The following XRCC4 variants were observed in gnomAD, a reference collection of about 807,000 sequenced individuals.
The protein encoded by XRCC4 is DNA repair protein XRCC4.
XRCC4 carries 28 observed loss-of-function variants against 39.1 expected under a neutral mutation model. That is an observed-to-expected ratio of 0.72 (90% CI 0.53 to 0.98). The LOEUF (loss-of-function observed/expected upper bound fraction) is 0.98. XRCC4 is among the 50% of genes least tolerant of loss of function. The pLI, the probability that XRCC4 is intolerant of heterozygous loss-of-function variation, is 0.00. For synonymous variants in XRCC4, 123 were observed against 126.4 expected (o/e 0.97, Z 0.18); for missense variants, 350 against 376.4 (o/e 0.93, Z 0.58).
intron 7 of XRCC4, among the ~76,000 whole-genome samples, chr5:83,276,285 C>T (rs767363723): frequency 6.6e-6 from 1 of 152,038 alleles, no homozygotes; most frequent in Non-Finnish European, 1.5e-5. Flanking sequence ...ATAGGTTAGG[C>T]TAAGCTATGA....
chr5:83,314,398 T>A (rs1208067942), intron 7 of XRCC4, among the ~76,000 whole-genome samples: 2 of 152,140 alleles, frequency 1.3e-5, no homozygotes, highest in Non-Finnish European at 2.9e-5. Flanking sequence ...ATTCTCTACA[T>A]CCATAATGGA....
intron 3 of XRCC4, among the ~76,000 whole-genome samples, chr5:83,184,528 A>G (rs1750350096): frequency 2.0e-5 from 3 of 152,106 alleles, no homozygotes; most frequent in African/African-American, 7.2e-5. Context: ...TTTTTGGAGA[A>G]TGTTATGAGA....
At chr5:83,314,906 A>G (rs1755827219) in intron 7 of XRCC4, among the ~76,000 whole-genome samples, 1 of 152,146 alleles carries the variant, frequency 6.6e-6, no homozygotes, top group East Asian at 1.9e-4. Flanking sequence ...TACCCCTACA[A>G]TGGCCTCTAA....
intron 6 of XRCC4, among the ~76,000 whole-genome samples, chr5:83,232,413 A>G (rs527462955): frequency 9.9e-5 from 15 of 152,122 alleles, no homozygotes; most frequent in South Asian, 8.3e-4. Context: ...AATTGCCCTA[A>G]TACTTCCATA....
chr5:83,118,629 C>T (rs1746853927), intron 3 of XRCC4, among the ~76,000 whole-genome samples: 1 of 152,174 alleles, frequency 6.6e-6, no homozygotes, highest in Admixed American at 6.5e-5. Context: ...TTGATACATT[C>T]CTTTTGCTCA....
intron 6 of XRCC4, among the ~76,000 whole-genome samples, chr5:83,251,335 C>G (rs1753301804): frequency 1.3e-5 from 2 of 151,966 alleles, no homozygotes; most frequent in African/African-American, 4.8e-5. Context: ...ACCATCCTGG[C>G]TAACATGGTG....
intron 7 of XRCC4, among the ~76,000 whole-genome samples, chr5:83,274,848 T>G (rs1012805889): frequency 2.0e-5 from 3 of 152,204 alleles, no homozygotes; most frequent in Admixed American, 2.0e-4. Context: ...GTCTTTAAAT[T>G]TTATTCAAAG....
At chr5:83,112,954 T>G (rs1398616874) in intron 3 of XRCC4, among the ~76,000 whole-genome samples, 2 of 152,028 alleles carry the variant, frequency 1.3e-5, no homozygotes, top group East Asian at 1.9e-4. Context: ...CTCCCAAATC[T>G]CATGTCCTCA....
chr5:83,169,845 G>A (rs527413622), intron 3 of XRCC4, among the ~76,000 whole-genome samples: 10 of 152,308 alleles, frequency 6.6e-5, no homozygotes, highest in East Asian at 3.9e-4. Context: ...GACAGTAAGT[G>A]TGACGGTAAA....
At chr5:83,138,274 G>GT (rs1747996208) in intron 3 of XRCC4, among the ~76,000 whole-genome samples, 1 of 152,130 alleles carries the variant, frequency 6.6e-6, no homozygotes, top group Non-Finnish European at 1.5e-5. Flanking sequence ...CATACTGCTT[G>GT]AAGTGCACTA....
At chr5:83,178,854 G>A (rs1340903536) in intron 3 of XRCC4, among the ~76,000 whole-genome samples, 1 of 152,012 alleles carries the variant, frequency 6.6e-6, no homozygotes, top group Non-Finnish European at 1.5e-5. Flanking sequence ...CTTCTCAATC[G>A]CTATTTCTCA....
At chr5:83,311,070 C>G in intron 7 of XRCC4, 1 of 237,362 alleles carries the variant, frequency 4.2e-6, no homozygotes, top group South Asian at 4.6e-5. Context: ...ATTAAGCCAT[C>G]AAGTTTGTGG....
At chr5:83,109,504 T>G (rs919082850) in intron 2 of XRCC4, among the ~76,000 whole-genome samples, 2 of 151,852 alleles carry the variant, frequency 1.3e-5, no homozygotes, top group African/African-American at 4.8e-5. Flanking sequence ...ATATGAGACT[T>G]TTATCATTAC....
chr5:83,286,808 G>A (rs1754749635), intron 7 of XRCC4, among the ~76,000 whole-genome samples: 1 of 152,086 alleles, frequency 6.6e-6, no homozygotes, highest in East Asian at 1.9e-4. Flanking sequence ...GAGAAGGAAT[G>A]TTGAGAGAGG....
chr5:83,181,466 C>A (rs1376837971), intron 3 of XRCC4, among the ~76,000 whole-genome samples: 1 of 119,110 alleles, frequency 8.4e-6, no homozygotes, highest in Non-Finnish European at 1.9e-5. Flanking sequence ...GTATAAAATG[C>A]ATCAGTTCTT....
At chr5:83,238,339 C>T (rs1752770412) in intron 6 of XRCC4, among the ~76,000 whole-genome samples, 3 of 152,164 alleles carry the variant, frequency 2.0e-5, no homozygotes, top group Admixed American at 2.0e-4. Context: ...ATCTTGCCTC[C>T]TTAATGAATG....
chr5:83,118,994 T>A (rs1053119941), intron 3 of XRCC4, among the ~76,000 whole-genome samples: 2 of 152,226 alleles, frequency 1.3e-5, no homozygotes, highest in Non-Finnish European at 2.9e-5. Context: ...GTTTTATTTA[T>A]TTTTTAGTGG....
rs528412333 is a variant in XRCC4, at chr5:83,238,175, C to T, written c.746-20355C>T. ...GCCTTATGGTATTCAATAATTCTGC[C>T]CATCAGGAAGGATAATCTAGAAATG... On this transcript the variant is annotated intron_variant, in intron 6 of 7. Transcript: ENST00000396027. Among the ~76,000 whole-genome samples, 13 of 152,180 alleles carry T rather than the reference C, an allele frequency of 8.5e-5. No homozygotes were observed. The South Asian group carries it at 2.3e-3, about 27-fold the overall frequency.
At chr5:83,275,957 A>C (rs762905311) in intron 7 of XRCC4, among the ~76,000 whole-genome samples, 5 of 152,202 alleles carry the variant, frequency 3.3e-5, no homozygotes, top group Admixed American at 6.5e-5. Flanking sequence ...TTTGATACCC[A>C]GGTGATTCCA....
Sources: allele counts gnomAD v4.1 joint callset (sites outside exome capture counted in the v4.1 genomes callset), GRCh38; gene constraint gnomAD v4.1.1; transcripts MANE v1.5; gene names NCBI Gene and HGNC (gene_info 2026-07-23, HGNC 2026-07-21).